SLC25A21: variants seen among roughly 807,000 people sequenced by gnomAD.
SLC25A21 encodes mitochondrial 2-oxodicarboxylate carrier.
SLC25A21 carries 47 observed loss-of-function variants against 43.8 expected under a neutral mutation model. The ratio of observed to expected loss-of-function variants is 1.07; its 90% confidence interval spans 0.85 to 1.37. The LOEUF (loss-of-function observed/expected upper bound fraction) is 1.37. Ranked by LOEUF, SLC25A21 falls within the 40% of genes most tolerant of loss-of-function variation. The pLI is 0.00. For synonymous variants in SLC25A21, 131 were observed against 121.3 expected (o/e 1.08, Z -0.52); for missense variants, 352 against 350.2 (o/e 1.00, Z -0.04).
At chr14:36,770,655 A>T (rs545640857) in intron 3 of SLC25A21, among the ~76,000 whole-genome samples, 35 of 152,322 alleles carry the variant, frequency 2.3e-4, no homozygotes, top group African/African-American at 8.2e-4. Context: ...ATAAAACGTT[A>T]GACATCAGGC....
chr14:37,161,397 A>G (rs1963937799), intron 1 of SLC25A21, among the ~76,000 whole-genome samples: 1 of 152,178 alleles, frequency 6.6e-6, no homozygotes, highest in Non-Finnish European at 1.5e-5. Flanking sequence ...TTGACCATGA[A>G]AAGAGGAACA....
chr14:36,996,924 G>T (rs1249850625), intron 1 of SLC25A21, among the ~76,000 whole-genome samples: 1 of 152,130 alleles, frequency 6.6e-6, no homozygotes, highest in Non-Finnish European at 1.5e-5. Context: ...GGGAGCCTTG[G>T]AATTTTACCT....
chr14:36,850,464 A>C (rs1889690855), intron 2 of SLC25A21, among the ~76,000 whole-genome samples: 1 of 152,172 alleles, frequency 6.6e-6, no homozygotes, highest in Non-Finnish European at 1.5e-5. Flanking sequence ...TGCCAGGTAT[A>C]GAAAGCAGGG....
In SLC25A21 at chr14:37,060,333, T is replaced by C. The variant is rs1328702520; in HGVS notation, c.70+111948A>G. 3.3e-5 allele frequency among the ~76,000 whole-genome samples: 5 copies of C among 150,568 alleles called. No individual in the cohort carries two copies. In the East Asian group the frequency reaches 7.8e-4, roughly 23 times the overall value. On this transcript the variant is annotated intron_variant, in intron 1 of 9. Coordinates refer to ENST00000331299, the MANE Select transcript of SLC25A21 (RefSeq NM_030631.4). ...TATTATTTATAAGCCATCCAGTCTA[T>C]GGTATTTTATTATAGCAGAATGAAA...
rs116494612 is a variant in SLC25A21 at position 36,713,374 on chromosome 14, C to T, written c.439-1892G>A. ...TTGAAAAGAGATTTCTCCTAGATCTCGGTGAGAGCTGACAAATATTCAAGT... is the reference window on the plus strand; with the variant it reads ...TTGAAAAGAGATTTCTCCTAGATCTTGGTGAGAGCTGACAAATATTCAAGT... On this transcript the variant is annotated intron_variant, in intron 6 of 9. Coordinates refer to ENST00000331299, the MANE Select transcript of SLC25A21 (RefSeq NM_030631.4). Among the ~76,000 whole-genome samples, 870 of 152,190 alleles carry T rather than the reference C, an allele frequency of 5.7e-3. 11 individuals are homozygous for T. The highest frequency in any genetic ancestry group is 0.017 in the African/African-American group (720 of 41,516).
At chr14:36,693,016 C>T (rs1471957557) in intron 7 of SLC25A21, among the ~76,000 whole-genome samples, 2 of 152,214 alleles carry the variant, frequency 1.3e-5, no homozygotes, top group Non-Finnish European at 2.9e-5. Flanking sequence ...TGTAGCACAT[C>T]ACTATCACAA....
intron 1 of SLC25A21, among the ~76,000 whole-genome samples, chr14:36,979,343 TA>T (rs1959963476): frequency 1.3e-5 from 2 of 150,668 alleles, no homozygotes; most frequent in African/African-American, 5.0e-5. Flanking sequence ...TTTTTTTTTT[TA>T]CTGTTTTTGT....
intron 1 of SLC25A21, among the ~76,000 whole-genome samples, chr14:36,884,522 T>C (rs1008021006): frequency 1.3e-5 from 2 of 152,290 alleles, no homozygotes; most frequent in East Asian, 3.9e-4. Context: ...TATATGGTAA[T>C]TCTATTTTTA....
At chr14:36,683,741 AT>A in intron 9 of SLC25A21, 86 bp downstream of exon 9, 1 of 945,444 alleles carries the variant, frequency 1.1e-6, no homozygotes, top group Non-Finnish European at 1.6e-6. Flanking sequence ...AGTGGTAAAT[AT>A]TTTGTTGCTG....
intron 1 of SLC25A21, among the ~76,000 whole-genome samples, chr14:37,148,222 G>A (rs1963701834): frequency 6.6e-6 from 1 of 152,126 alleles, no homozygotes; most frequent in African/African-American, 2.4e-5. Context: ...GCCCGCAAAT[G>A]TGATTTTATA....
chr14:36,925,536 A>G (rs1311633361), intron 1 of SLC25A21, among the ~76,000 whole-genome samples: 2 of 152,158 alleles, frequency 1.3e-5, no homozygotes, highest in Non-Finnish European at 2.9e-5. Context: ...AGAACCCCAA[A>G]TGTGTATTCA....
chr14:36,836,300 G>A (rs886377218), intron 2 of SLC25A21, among the ~76,000 whole-genome samples: 1 of 152,186 alleles, frequency 6.6e-6, no homozygotes, highest in African/African-American at 2.4e-5. Flanking sequence ...ATTGGCATTT[G>A]CTACAACCCA....
In SLC25A21 at chr14:36,679,121, T is replaced by TAAGA. The variant is rs755152754; in HGVS notation, c.*1533_*1536dup. On this transcript the variant is annotated 3_prime_UTR_variant, in exon 10 of 10. Transcript: ENST00000331299. ...ATGCAGGCAGCGCTCTCATTGGATGTAAGAATATTACCTGCAAGGATAGAA... is the reference window on the plus strand; with the variant it reads ...ATGCAGGCAGCGCTCTCATTGGATGTAAGAAAGAATATTACCTGCAAGGATAGAA... 6.1e-6 allele frequency: 6 copies of TAAGA among 985,442 alleles called. No homozygotes were observed. In the South Asian group the frequency reaches 1.9e-4, roughly 31 times the overall value. The allele number at this position is 985,442 out of a possible 1,614,324, so 61.0% of individuals were successfully genotyped here. A position where few individuals can be genotyped will look rare whatever the true frequency, so the allele number is the denominator to read the frequency against.
intron 9 of SLC25A21, 114 bp from the exon 10 acceptor site, chr14:36,680,833 G>T: frequency 3.7e-6 from 3 of 802,882 alleles, no homozygotes; most frequent in East Asian, 2.8e-5. Context: ...GAGGCTGTTC[G>T]GAATCAACAG....
chr14:37,067,676 T>C (rs1018752592), intron 1 of SLC25A21, among the ~76,000 whole-genome samples: 6 of 152,158 alleles, frequency 3.9e-5, no homozygotes, highest in African/African-American at 1.4e-4. Context: ...AATAGTCTAG[T>C]GTGTTCAGGG....
At chr14:36,711,781 A>C (rs999779831) in intron 6 of SLC25A21, among the ~76,000 whole-genome samples, 1 of 152,260 alleles carries the variant, frequency 6.6e-6, no homozygotes, top group Non-Finnish European at 1.5e-5. Flanking sequence ...AAGTAATTAC[A>C]TCCAATTCTG....
intron 1 of SLC25A21, among the ~76,000 whole-genome samples, chr14:37,113,853 C>CAAA (rs34321762): frequency 0.022 from 2,617 of 118,784 alleles, 95 homozygotes; most frequent in South Asian, 0.054. Flanking sequence ...GACTCTGTCT[C>CAAA]AAAAAAAAAA....
At chr14:36,719,737 G>C (rs145364953) in intron 6 of SLC25A21, among the ~76,000 whole-genome samples, 1 of 152,082 alleles carries the variant, frequency 6.6e-6, no homozygotes, top group Non-Finnish European at 1.5e-5. Flanking sequence ...TATGAGGGCA[G>C]TATCAGGAAC....
chr14:37,047,288 AT>A (rs1415101515), intron 1 of SLC25A21, among the ~76,000 whole-genome samples: 3 of 152,238 alleles, frequency 2.0e-5, no homozygotes, highest in African/African-American at 7.2e-5. Context: ...TCCTCGGAAC[AT>A]GCAAATAAAA....
Sources: allele counts gnomAD v4.1 joint callset (sites outside exome capture counted in the v4.1 genomes callset), GRCh38; gene constraint gnomAD v4.1.1; transcripts MANE v1.5; gene names NCBI Gene and HGNC (gene_info 2026-07-23, HGNC 2026-07-21).